CHODL: variants seen among roughly 807,000 people sequenced by gnomAD.
CHODL encodes transmembrane protein MT75.
A neutral mutation model predicts 34.5 loss-of-function variants in CHODL; 29 were observed. The observed-to-expected ratio is 0.84, with a 90% CI of 0.63 to 1.15. The LOEUF is 1.15. Among genes scored for constraint, CHODL ranks in the 50% most tolerant of loss-of-function variants. The probability of loss-of-function intolerance (pLI) is 0.00; values close to 1 mark genes in which losing one functional copy is unlikely to be tolerated. For missense variants in CHODL, 332 were observed against 332.5 expected, an observed-to-expected ratio of 1.00 and a Z score of 0.01; for synonymous variants, 125 against 116.1, an observed-to-expected ratio of 1.08 and a Z score of -0.49.
Position 17,959,294 on chromosome 21 carries a change from C to G in CHODL, c.-145+41894C>G, listed in dbSNP as rs1325359819. Among the ~76,000 whole-genome samples, 5 of 152,258 alleles carry G rather than the reference C, an allele frequency of 3.3e-5. No individual in the cohort carries two copies. The East Asian group carries it at 9.7e-4, about 29-fold the overall frequency. On this transcript the variant is annotated intron_variant, in intron 1 of 6. Coordinates refer to the CHODL transcript ENST00000400127. The stretch of plus-strand genomic sequence containing the variant: ...ATGGTAATGAATCCATCCCTAATGT[C>G]TCTGAGGCTTTCCAATCAAGTTTAC...
chr21:18,096,857 C>G (rs989319431), intron 2 of CHODL, among the ~76,000 whole-genome samples: 2 of 152,106 alleles, frequency 1.3e-5, no homozygotes, highest in Admixed American at 1.3e-4. Flanking sequence ...CTAATAAAAA[C>G]TCACTGGTTT....
At chr21:18,183,304 T>G (rs1169246918) in intron 2 of CHODL, among the ~76,000 whole-genome samples, 1 of 152,238 alleles carries the variant, frequency 6.6e-6, no homozygotes, top group Non-Finnish European at 1.5e-5. Context: ...CAAACTGTCC[T>G]GCTTTCCGGA....
intron 2 of CHODL, among the ~76,000 whole-genome samples, chr21:18,199,786 G>A (rs918245205): frequency 6.6e-6 from 1 of 152,036 alleles, no homozygotes; most frequent in Non-Finnish European, 1.5e-5. Flanking sequence ...TTAAGAGCTT[G>A]TTTCTTTTTA....
At chr21:18,025,391 T>C (rs2064164870) in intron 1 of CHODL, among the ~76,000 whole-genome samples, 1 of 152,156 alleles carries the variant, frequency 6.6e-6, no homozygotes, top group African/African-American at 2.4e-5. Flanking sequence ...AAATAATTGA[T>C]GTGGTAGAGT....
chr21:18,246,150 C>T (rs1021972046), intron 1 of CHODL, among the ~76,000 whole-genome samples: 6 of 152,160 alleles, frequency 3.9e-5, no homozygotes, highest in African/African-American at 1.4e-4. Context: ...TACAGATTCT[C>T]GACAACCTAG....
At chr21:18,084,543 T>C (rs1057311068) in intron 2 of CHODL, among the ~76,000 whole-genome samples, 2 of 152,180 alleles carry the variant, frequency 1.3e-5, no homozygotes, top group Non-Finnish European at 2.9e-5. Flanking sequence ...TTCAGGAAAA[T>C]AATGCTTAAT....
chr21:18,132,015 G>A (rs2072660514), intron 2 of CHODL, among the ~76,000 whole-genome samples: 2 of 151,984 alleles, frequency 1.3e-5, no homozygotes, highest in Non-Finnish European at 2.9e-5. Flanking sequence ...AATACAGAAA[G>A]AGCATTTTTC....
In CHODL at chr21:18,177,960, G is replaced by A. The variant is rs535774818; in HGVS notation, c.-44-78549G>A. On this transcript the variant is annotated intron_variant, in intron 2 of 6. Coordinates refer to the CHODL transcript ENST00000400127. ...CCAAATAAAAATATCTATTTTCATT[G>A]AGAGCACTGCTGTGATGTTTCTCAA... is the stretch of plus-strand genomic sequence containing the variant. 8.5e-5 allele frequency among the ~76,000 whole-genome samples: 13 copies of A among 152,134 alleles called. No homozygotes were observed. The East Asian group carries it at 2.3e-3, about 27-fold the overall frequency.
Position 18,077,682 on chromosome 21 carries a change from A to G in CHODL, c.-45+49711A>G, listed in dbSNP as rs147564051. ...ATTTTGCAATGTGAGGACACATTGA[A>G]AGAGTGTGAAAGAGTGCTGTTTAGG... On this transcript the variant is annotated intron_variant, in intron 2 of 6. Coordinates refer to the CHODL transcript ENST00000400127. 5.6e-4 allele frequency among the ~76,000 whole-genome samples: 86 copies of G among 152,320 alleles called. 1 individual carries two copies. Among genetic ancestry groups the G allele is most frequent in the South Asian group, 1.5e-3 (7 of 4,824 alleles).
chr21:18,254,858 ATTTAAT>A (rs1288442409), intron 1 of CHODL, among the ~76,000 whole-genome samples: 1 of 152,094 alleles, frequency 6.6e-6, no homozygotes, highest in Non-Finnish European at 1.5e-5. Context: ...GGTATGCGAA[ATTTAAT>A]TTTGAGATTT....
intron 1 of CHODL, among the ~76,000 whole-genome samples, chr21:18,249,163 G>A (rs1451625953): frequency 2.2e-5 from 3 of 136,962 alleles, no homozygotes; most frequent in Non-Finnish European, 3.1e-5. Flanking sequence ...AGGAGTCCAA[G>A]GTTAAAATTC....
In CHODL at chr21:18,200,124, AT is replaced by A. The variant is rs571111051; in HGVS notation, c.-44-56375del. 4.5e-3 allele frequency among the ~76,000 whole-genome samples: 672 copies of A among 150,320 alleles called. 9 individuals carry two copies. The highest frequency in any genetic ancestry group is 0.015 in the African/African-American group (628 of 41,040). ...CATTCTTGCAGCATTTGATATTGTA[AT>A]TTTTTTTTTATTTCAGCCATTAGAG... is the stretch of plus-strand genomic sequence containing the variant. On this transcript the variant is annotated intron_variant, in intron 2 of 6. Transcript: ENST00000400127.
At chr21:18,083,411 G>A (rs757479482) in intron 2 of CHODL, among the ~76,000 whole-genome samples, 1 of 152,204 alleles carries the variant, frequency 6.6e-6, no homozygotes, top group African/African-American at 2.4e-5. Context: ...AGCCCCCACA[G>A]ATTCCCCACT....
At chr21:18,118,271 A>G (rs765571789) in intron 2 of CHODL, among the ~76,000 whole-genome samples, 3 of 152,170 alleles carry the variant, frequency 2.0e-5, no homozygotes, top group Admixed American at 6.5e-5. Context: ...TGAGAGATGC[A>G]AAAATGAGAC....
chr21:18,022,065 G>C (rs1470455128), intron 1 of CHODL, among the ~76,000 whole-genome samples: 1 of 152,186 alleles, frequency 6.6e-6, no homozygotes, highest in Non-Finnish European at 1.5e-5. Context: ...CAGAGAGCTT[G>C]CTTCTCTCAG....
intron 2 of CHODL, among the ~76,000 whole-genome samples, chr21:18,038,296 AGAT>A (rs1207163229): frequency 6.6e-6 from 1 of 151,780 alleles, no homozygotes; most frequent in Non-Finnish European, 1.5e-5. Flanking sequence ...AGGGCTCAGA[AGAT>A]ATATTCCACA....
At position 18,082,425 on chromosome 21, in the gene CHODL, A is replaced by G. The variant is rs1033996568; in HGVS notation, c.-45+54454A>G. Among the ~76,000 whole-genome samples the G allele has an allele frequency of 1.6e-4, 13 of 82,544 alleles. No homozygotes were observed. The South Asian group carries it at 5.4e-3, about 34-fold the overall frequency. 54.2% of individuals were successfully genotyped at this position (82,544 alleles called of 152,430 possible). On this transcript the variant is annotated intron_variant, in intron 2 of 6. Coordinates refer to the CHODL transcript ENST00000400127. The stretch of plus-strand genomic sequence containing the variant: ...CAGAAAATTGGTGCCCAAGTGACCT[A>G]TTGCTATAAAGATACTGAAAATGTG...
At chr21:18,109,005 A>T (rs550642911) in intron 2 of CHODL, among the ~76,000 whole-genome samples, 4 of 151,960 alleles carry the variant, frequency 2.6e-5, no homozygotes, top group African/African-American at 9.6e-5. Flanking sequence ...AGAGATCCAG[A>T]ACTTATAGCA....
At chr21:18,157,956 T>TA (rs531514365) in intron 2 of CHODL, among the ~76,000 whole-genome samples, 50 of 137,918 alleles carry the variant, frequency 3.6e-4, no homozygotes, top group East Asian at 3.3e-3. Flanking sequence ...AGAAAAGAAG[T>TA]AAAAAAAAAA....
Sources: allele counts gnomAD v4.1 joint callset (sites outside exome capture counted in the v4.1 genomes callset), GRCh38; gene constraint gnomAD v4.1.1; transcripts MANE v1.5; gene names NCBI Gene and HGNC (gene_info 2026-07-23, HGNC 2026-07-21).